Variants in CNTNAP3B observed in about 807,000 individuals in gnomAD.
CNTNAP3B encodes the protein contactin-associated protein-like 3B.
A neutral mutation model predicts 108.9 loss-of-function variants in CNTNAP3B; 25 were observed. That is an observed-to-expected ratio of 0.23 (90% CI 0.17 to 0.32). The LOEUF (loss-of-function observed/expected upper bound fraction) is 0.32. CNTNAP3B is among the 10% of genes least tolerant of loss of function. The probability of loss-of-function intolerance (pLI) is 1.00; values close to 1 mark genes in which losing one functional copy is unlikely to be tolerated. For missense variants in CNTNAP3B, 252 were observed against 1,210.4 expected, an observed-to-expected ratio of 0.21 and a Z score of 11.75; for synonymous variants, 103 against 473.4, an observed-to-expected ratio of 0.22 and a Z score of 10.16.
At chr9:42,028,966 C>G (rs1226204747) in intron 3 of CNTNAP3B, among the ~76,000 whole-genome samples, 1 of 151,112 alleles carries the variant, frequency 6.6e-6, no homozygotes, top group Non-Finnish European at 1.5e-5. Flanking sequence ...TATTGCTAAA[C>G]CAAAATGACG....
intron 13 of CNTNAP3B, among the ~76,000 whole-genome samples, chr9:41,943,724 G>A (rs1283395308): frequency 6.6e-6 from 1 of 151,204 alleles, no homozygotes; most frequent in South Asian, 2.1e-4. Flanking sequence ...AAGGAAGAGA[G>A]TGAGAACCAG....
At chr9:42,098,198 T>C (rs1414003636) in intron 2 of CNTNAP3B, among the ~76,000 whole-genome samples, 7 of 137,446 alleles carry the variant, frequency 5.1e-5, no homozygotes, top group Admixed American at 7.2e-5. Flanking sequence ...TGTGTCTACA[T>C]AGCAAACTTA....
intron 13 of CNTNAP3B, among the ~76,000 whole-genome samples, chr9:41,942,806 A>G (rs1431754786): frequency 6.6e-6 from 1 of 151,842 alleles, no homozygotes; most frequent in African/African-American, 2.4e-5. Context: ...AGAAAAATAA[A>G]ATAACCTTAG....
chr9:42,035,282 A>T (rs1323625490), intron 3 of CNTNAP3B, among the ~76,000 whole-genome samples: 1 of 143,818 alleles, frequency 7.0e-6, no homozygotes, highest in Non-Finnish European at 1.5e-5. Flanking sequence ...ACAGATTAGC[A>T]AGTGAGCTCA....
In CNTNAP3B at chr9:41,951,361, T is replaced by C. The variant is rs1456170667; in HGVS notation, c.2080+1822A>G. 3.8e-5 allele frequency among the ~76,000 whole-genome samples: 4 copies of C among 104,316 alleles called. 1 individual carries two copies. Among genetic ancestry groups the C allele is most frequent in the Non-Finnish European group, 8.3e-5 (4 of 48,084 alleles). 68.4% of individuals were successfully genotyped at this position (104,316 alleles called of 152,430 possible). A position where few individuals can be genotyped will look rare whatever the true frequency, so the allele number is the denominator to read the frequency against. ...GCCCAGTAGTTTCCAAAAGATCACC[T>C]GGGGATTTTTTTTTTAAACGATTCC... On this transcript the variant is annotated intron_variant, in intron 13 of 23. Transcript: ENST00000377561.
chr9:42,018,781 C>A (rs1199997133), intron 3 of CNTNAP3B, among the ~76,000 whole-genome samples: 2 of 151,876 alleles, frequency 1.3e-5, no homozygotes, highest in Non-Finnish European at 2.9e-5. Flanking sequence ...CAAGTCCCAA[C>A]ATATACTGGT....
chr9:41,985,806 GCTAA>G (rs1255313762), intron 9 of CNTNAP3B, among the ~76,000 whole-genome samples: 2 of 60,036 alleles, frequency 3.3e-5, no homozygotes, highest in African/African-American at 1.7e-4. Context: ...GTTTTTATGA[GCTAA>G]CTGTTAGAAG....
At position 41,929,485 on chromosome 9, in the gene CNTNAP3B, A is replaced by G; in HGVS notation, c.2238-41T>C. On this transcript the variant is annotated intron_variant, in intron 14 of 23. Transcript: ENST00000377561. ...CGAAACCATTAAAATTATTCTGATT[A>G]ACATACGGGCAAAATTAACTCTGAT... is the stretch of plus-strand genomic sequence containing the variant. 2.6e-6 allele frequency: 4 copies of G among 1,513,616 alleles called. 1 individual carries two copies. The highest frequency in any genetic ancestry group is 3.6e-6 in the Non-Finnish European group (4 of 1,121,256). The allele number at this position is 1,513,616 out of a possible 1,614,324, so 93.8% of individuals were successfully genotyped here. A position where few individuals can be genotyped will look rare whatever the true frequency, so the allele number is the denominator to read the frequency against.
intron 2 of CNTNAP3B, among the ~76,000 whole-genome samples, chr9:42,097,549 T>G (rs1181191415): frequency 2.9e-5 from 4 of 140,174 alleles, no homozygotes; most frequent in Non-Finnish European, 4.6e-5. Context: ...CAAAATTTAG[T>G]AAGAATAGCT....
In CNTNAP3B at chr9:42,123,380, TATC is replaced by T. The variant is rs1199608118; in HGVS notation, c.85+5627_85+5629del. ...AGATATCTAAAAATCCAAGACAAAT[TATC>T]ATTTGCATATATGGAGGCAGCTCTG... On this transcript the variant is annotated intron_variant, in intron 1 of 23. Coordinates refer to ENST00000377561, the MANE Select transcript of CNTNAP3B (RefSeq NM_001201380.3). Among the ~76,000 whole-genome samples, 11 of 114,870 alleles carry T rather than the reference TATC, an allele frequency of 9.6e-5. 1 individual carries two copies. The highest frequency in any genetic ancestry group is 1.8e-5 in the Non-Finnish European group (1 of 55,888). 75.4% of individuals were successfully genotyped at this position (114,870 alleles called of 152,430 possible). A position where few individuals can be genotyped will look rare whatever the true frequency, so the allele number is the denominator to read the frequency against.
Position 42,001,717 on chromosome 9 carries a change from G to T in CNTNAP3B, c.539-3113C>A, listed in dbSNP as rs555262075. Among the ~76,000 whole-genome samples the T allele has an allele frequency of 2.3e-3, 262 of 113,750 alleles. 51 individuals are homozygous for T. Among genetic ancestry groups the T allele is most frequent in the African/African-American group, 8.1e-3 (230 of 28,410 alleles). The allele number at this position is 113,750 out of a possible 152,430, so 74.6% of individuals were successfully genotyped here. On this transcript the variant is annotated intron_variant, in intron 4 of 23. Transcript: ENST00000377561. ...AAACTTAGCTTGTGGTTTAAAGCAG[G>T]AAGTGCTTTTCTAATTTTATATGAA...
At chr9:41,936,139 G>A (rs1488111218) in intron 14 of CNTNAP3B, among the ~76,000 whole-genome samples, 1 of 152,422 alleles carries the variant, frequency 6.6e-6, no homozygotes, top group South Asian at 2.1e-4. Flanking sequence ...AATTAGCCAG[G>A]TGTGGCACTC....
intron 1 of CNTNAP3B, among the ~76,000 whole-genome samples, chr9:42,116,750 C>T (rs201464347): frequency 0.021 from 2,550 of 123,718 alleles, 12 homozygotes; most frequent in South Asian, 0.058. Flanking sequence ...AGAGTCAAGA[C>T]CCATCAGTGT....
At chr9:41,954,814 G>C (rs1228065087) in intron 12 of CNTNAP3B, among the ~76,000 whole-genome samples, 1 of 152,252 alleles carries the variant, frequency 6.6e-6, no homozygotes, top group South Asian at 2.1e-4. Context: ...CTCACAAGTA[G>C]CTGGGACTAC....
intron 13 of CNTNAP3B, among the ~76,000 whole-genome samples, chr9:41,950,873 G>C (rs1325297936): frequency 4.8e-5 from 7 of 145,424 alleles, no homozygotes; most frequent in African/African-American, 1.8e-4. Flanking sequence ...CCATTCTCCT[G>C]CGTCAGCCTC....
intron 14 of CNTNAP3B, among the ~76,000 whole-genome samples, chr9:41,934,135 A>G (rs1824075935): frequency 6.8e-6 from 1 of 146,916 alleles, no homozygotes; most frequent in Admixed American, 6.8e-5. Context: ...ACACACATAT[A>G]TATATACACA....
chr9:42,129,066 T>A lies in CNTNAP3B; in HGVS notation c.29A>T (p.Lys10Met). Reference sequence around the variant, plus strand: ...CTGAGTGGGGAGAAGCAGCAGCACCTTGAGGACGGCCCAGGCCACTGAAGC... The same window carrying A: ...CTGAGTGGGGAGAAGCAGCAGCACCATGAGGACGGCCCAGGCCACTGAAGC... Reference protein sequence around the residue: MASVAWAVLKVLLLLPTQTW... With the variant: MASVAWAVLMVLLLLPTQTW... The change falls in exon 1 of 24, where the codon AAG (lysine) becomes ATG (methionine). Residue 10 changes from lysine to methionine, a missense_variant. Coordinates refer to ENST00000377561, the MANE Select transcript of CNTNAP3B (RefSeq NM_001201380.3). 6.3e-7 allele frequency: 1 copy of A among 1,592,030 alleles called. No individual in the cohort carries two copies. The highest frequency in any genetic ancestry group is 2.3e-5 in the East Asian group (1 of 43,920).
At chr9:41,990,212 C>T (rs181078787) in intron 8 of CNTNAP3B, among the ~76,000 whole-genome samples, 270 of 138,048 alleles carry the variant, frequency 2.0e-3, no homozygotes, top group Middle Eastern at 0.018. Flanking sequence ...TTTATCTGTA[C>T]TTATTTCCCT....
intron 13 of CNTNAP3B, among the ~76,000 whole-genome samples, chr9:41,940,117 A>T (rs1340750625): frequency 4.6e-5 from 7 of 152,298 alleles, no homozygotes; most frequent in Admixed American, 6.5e-5. Flanking sequence ...GAACTGAGCC[A>T]TAGGGTCCTA....
Sources: allele counts gnomAD v4.1 joint callset (sites outside exome capture counted in the v4.1 genomes callset), GRCh38; gene constraint gnomAD v4.1.1; transcripts MANE v1.5; gene names NCBI Gene and HGNC (gene_info 2026-07-23, HGNC 2026-07-21).